Variants in DPYD observed in about 807,000 individuals in gnomAD.
DPYD encodes the protein dihydropyrimidine dehydrogenase [NADP(+)].
Under a neutral mutation model 116.2 loss-of-function variants are expected in DPYD, and 109 were observed. That is an observed-to-expected ratio of 0.94 (90% CI 0.80 to 1.10). DPYD has a LOEUF of 1.10. DPYD is among the 50% of genes least tolerant of loss of function. The pLI, the probability that DPYD is intolerant of heterozygous loss-of-function variation, is 0.00. For missense variants in DPYD, 1,302 were observed against 1,254.5 expected (o/e 1.04, Z -0.57); for synonymous variants, 440 against 432.0 (o/e 1.02, Z -0.23).
chr1:97,679,533 C>T (rs1009529402), intron 7 of DPYD, among the ~76,000 whole-genome samples: 1 of 151,942 alleles, frequency 6.6e-6, no homozygotes, highest in African/African-American at 2.4e-5. Context: ...CAAGTAGGGG[C>T]AAAAGATATA....
intron 3 of DPYD, among the ~76,000 whole-genome samples, chr1:97,750,018 A>G (rs1664785620): frequency 6.6e-6 from 1 of 152,142 alleles, no homozygotes. Context: ...GCATATTCAC[A>G]TGCTATGCAA....
intron 10 of DPYD, among the ~76,000 whole-genome samples, chr1:97,586,518 A>G (rs1425272892): frequency 5.0e-5 from 4 of 80,340 alleles, no homozygotes; most frequent in African/African-American, 9.2e-5. Context: ...ATATATATAT[A>G]TGCTGTGAAA....
chr1:97,672,598 T>C (rs1186743545), intron 8 of DPYD, among the ~76,000 whole-genome samples: 5 of 152,200 alleles, frequency 3.3e-5, no homozygotes, highest in Non-Finnish European at 5.9e-5. Context: ...TTCATAGTTG[T>C]GGATAGTGAC....
intron 5 of DPYD, among the ~76,000 whole-genome samples, chr1:97,708,119 T>C (rs958565318): frequency 5.3e-5 from 8 of 152,018 alleles, no homozygotes; most frequent in Admixed American, 2.0e-4. Flanking sequence ...TACAGGTACA[T>C]GCCACCACAC....
chr1:97,867,011 T>C (rs542239541), intron 2 of DPYD, among the ~76,000 whole-genome samples: 11 of 151,892 alleles, frequency 7.2e-5, no homozygotes, highest in African/African-American at 2.7e-4. Flanking sequence ...ATGGAAAACA[T>C]AATCTATTTT....
intron 18 of DPYD, among the ~76,000 whole-genome samples, chr1:97,284,148 C>A (rs114678795): frequency 1.3e-5 from 2 of 152,034 alleles, no homozygotes; most frequent in South Asian, 2.1e-4. Flanking sequence ...TAGAATGATA[C>A]GTCACTTCTT....
At chr1:97,394,490 C>T (rs1162288324) in intron 14 of DPYD, 1 of 151,956 alleles carries the variant, frequency 6.6e-6, no homozygotes, top group African/African-American at 2.4e-5. Flanking sequence ...ATTAAGTTTT[C>T]CATATTCAAC....
intron 14 of DPYD, among the ~76,000 whole-genome samples, chr1:97,434,274 G>T (rs915838167): frequency 4.6e-5 from 7 of 152,090 alleles, no homozygotes; most frequent in African/African-American, 1.7e-4. Flanking sequence ...TATTAATAAA[G>T]TTAACTCATT....
rs543008455 is a variant in DPYD, at chr1:97,820,924, AT to A, written c.233+7189del. Among the ~76,000 whole-genome samples, 157 of 152,058 alleles carry A rather than the reference AT, an allele frequency of 1.0e-3. 1 individual carries two copies. The highest frequency in any genetic ancestry group is 3.4e-3 in the Middle Eastern group (1 of 292). ...GTAAAAAACTCCCAATAGTATTTTT[AT>A]TTTTTTTATTAATGAGTATATTCTA... On this transcript the variant is annotated intron_variant, in intron 3 of 22. Coordinates refer to ENST00000370192, the MANE Select transcript of DPYD (RefSeq NM_000110.4).
intron 18 of DPYD, among the ~76,000 whole-genome samples, chr1:97,250,127 G>A (rs990601801): frequency 2.6e-5 from 4 of 151,890 alleles, no homozygotes; most frequent in African/African-American, 7.3e-5. Flanking sequence ...AAAATAAGCC[G>A]GGTGTGGTGG....
At chr1:97,802,783 C>T (rs1159132037) in intron 3 of DPYD, among the ~76,000 whole-genome samples, 1 of 151,760 alleles carries the variant, frequency 6.6e-6, no homozygotes, top group Non-Finnish European at 1.5e-5. Flanking sequence ...CCTTTTTCTC[C>T]TATGCTATAG....
intron 1 of DPYD, among the ~76,000 whole-genome samples, chr1:97,901,003 G>A (rs116020853): frequency 6.4e-4 from 97 of 151,584 alleles, no homozygotes; most frequent in African/African-American, 2.1e-3. Context: ...TCTTTTATTC[G>A]AAAAAAATTA....
chr1:97,777,787 T>C (rs1213496165), intron 3 of DPYD, among the ~76,000 whole-genome samples: 1 of 152,116 alleles, frequency 6.6e-6, no homozygotes, highest in Non-Finnish European at 1.5e-5. Flanking sequence ...TGTGGTGAAG[T>C]AGCCATTATG....
At chr1:97,751,460 G>GTGTGTGTATATATA (rs763260651) in intron 3 of DPYD, among the ~76,000 whole-genome samples, 105 of 21,260 alleles carry the variant, frequency 4.9e-3, no homozygotes, top group African/African-American at 0.012. Context: ...GTGTGTGTGT[G>GTGTGTGTATATATA]TATATATATA....
At chr1:97,520,998 G>C (rs771846261) in intron 12 of DPYD, among the ~76,000 whole-genome samples, 6 of 152,006 alleles carry the variant, frequency 3.9e-5, no homozygotes, top group Non-Finnish European at 4.4e-5. Flanking sequence ...CTTAGTAATG[G>C]GATTGCTGGG....
chr1:97,396,474 C>T (rs992724507), intron 14 of DPYD, among the ~76,000 whole-genome samples: 1 of 151,860 alleles, frequency 6.6e-6, no homozygotes, highest in African/African-American at 2.4e-5. Context: ...ATGATCTTCG[C>T]CAGTGAGTTA....
intron 7 of DPYD, among the ~76,000 whole-genome samples, chr1:97,690,356 T>A (rs1313674251): frequency 6.6e-6 from 1 of 152,006 alleles, no homozygotes; most frequent in Non-Finnish European, 1.5e-5. Context: ...ATGCAATATA[T>A]CTGGTCCTGT....
chr1:97,878,147 C>T (rs374454582), intron 2 of DPYD, among the ~76,000 whole-genome samples: 64 of 151,920 alleles, frequency 4.2e-4, no homozygotes, highest in African/African-American at 1.4e-3. Flanking sequence ...TTCCATGCTA[C>T]GTTCAGTACC....
intron 18 of DPYD, among the ~76,000 whole-genome samples, chr1:97,248,464 C>T (rs938012453): frequency 6.6e-6 from 1 of 152,124 alleles, no homozygotes; most frequent in Admixed American, 6.5e-5. Context: ...AACTGTGAGT[C>T]CAATTAAACC....
Sources: gnomAD v4.1 joint callset for allele counts (sites outside exome capture counted in the v4.1 genomes callset) on GRCh38, gnomAD v4.1.1 for gene constraint, MANE v1.5 for transcripts, NCBI Gene and HGNC (gene_info 2026-07-23, HGNC 2026-07-21) for gene names.